IAH1: variants seen among roughly 807,000 people sequenced by gnomAD.
IAH1 encodes the protein isoamyl acetate hydrolyzing esterase 1 (putative).
IAH1 carries 24 observed loss-of-function variants against 26.7 expected under a neutral mutation model. That is an observed-to-expected ratio of 0.90 (90% confidence interval 0.65 to 1.26). The LOEUF (loss-of-function observed/expected upper bound fraction) is 1.26, where lower values mean the gene tolerates loss of function less well. Among genes scored for constraint, IAH1 ranks in the 50% most tolerant of loss-of-function variants. IAH1 has a pLI of 0.00. For missense variants in IAH1, 300 were observed against 299.9 expected, an observed-to-expected ratio of 1.00 and a Z score of 0.00; for synonymous variants, 140 against 118.5, an observed-to-expected ratio of 1.18 and a Z score of -1.18.
At chr2:9,511,648 T>A in the IAH1 span, among the ~76,000 whole-genome samples, 16 of 152,164 alleles carry the variant, frequency 1.1e-4, no homozygotes, top group Non-Finnish European at 2.1e-4. Flanking sequence ...AAAGCTAAAA[T>A]TTTTTTTCCA....
downstream of IAH1, chr2:9,496,990 C>T: frequency 7.0e-7 from 1 of 1,428,386 alleles, no homozygotes; most frequent in South Asian, 1.4e-5. Context: ...CTTCCCCATC[C>T]CCTCATCCTC....
chr2:9,487,817 T>C (rs1005012265), intron 5 of IAH1, among the ~76,000 whole-genome samples: 34 of 95,018 alleles, frequency 3.6e-4, no homozygotes, highest in African/African-American at 1.2e-3. Context: ...TGTGTGTGTG[T>C]GTGTGTGTGT....
At chr2:9,502,190 C>G in the IAH1 span, 12 of 1,613,956 alleles carry the variant, frequency 7.4e-6, no homozygotes, top group East Asian at 2.2e-5. Context: ...GTAGGACACG[C>G]CTTTGCAAGT....
intron 4 of IAH1, among the ~76,000 whole-genome samples, chr2:9,482,308 G>A (rs1039362137): frequency 5.3e-5 from 8 of 152,132 alleles, no homozygotes; most frequent in South Asian, 2.1e-4. Context: ...GATTACAGGC[G>A]TGAGCCACCG....
intron 5 of IAH1, chr2:9,486,217 G>A (rs914598194): frequency 6.6e-6 from 1 of 152,182 alleles, no homozygotes; most frequent in African/African-American, 2.4e-5. Context: ...GAGGCCCTGA[G>A]AGCCTAAGCA....
chr2:9,512,257 T>C, the IAH1 span: 10 of 96,054 alleles, frequency 1.0e-4, no homozygotes, highest in African/African-American at 5.0e-4. Context: ...CTAATGACTC[T>C]TAAAAAAAAA....
In IAH1 at chr2:9,477,149, C is replaced by T. The variant is rs149191579; in HGVS notation, c.135-1073C>T. On this transcript the variant is annotated intron_variant, in intron 2 of 5. Coordinates refer to ENST00000497473, the MANE Select transcript of IAH1 (RefSeq NM_001039613.3). The stretch of plus-strand genomic sequence containing the variant: ...ATCTCTTAGAAATAAGGCTGAGTTT[C>T]GGTGGTGGTTCTGCAGTTTATAAAT... Among the ~76,000 whole-genome samples the T allele has an allele frequency of 2.2e-3, 330 of 152,294 alleles. 1 individual carries two copies. Among genetic ancestry groups the T allele is most frequent in the African/African-American group, 7.7e-3 (321 of 41,560 alleles).
chr2:9,507,715 T>C, the IAH1 span, among the ~76,000 whole-genome samples: 1 of 147,696 alleles, frequency 6.8e-6, no homozygotes, highest in African/African-American at 2.4e-5. Context: ...TAGCAAGTTC[T>C]TTTTTTTCTT....
downstream of IAH1, among the ~76,000 whole-genome samples, chr2:9,492,565 C>A (rs924494340): frequency 6.6e-6 from 1 of 152,172 alleles, no homozygotes; most frequent in Admixed American, 6.5e-5. Flanking sequence ...TCTATTGCAA[C>A]GAAGTCAGCC....
At chr2:9,510,623 C>G in the IAH1 span, among the ~76,000 whole-genome samples, 1 of 150,360 alleles carries the variant, frequency 6.7e-6, no homozygotes, top group Non-Finnish European at 1.5e-5. Flanking sequence ...GAGATCACGC[C>G]ATTGCACTCC....
Position 9,474,929 on chromosome 2 carries a change from G to T in IAH1, c.81+282G>T, listed in dbSNP as rs1238377088. On this transcript the variant is annotated intron_variant, in intron 1 of 5. Coordinates refer to ENST00000497473, the MANE Select transcript of IAH1 (RefSeq NM_001039613.3). The surrounding 1 kb of genome is among the most constrained non-coding windows in gnomAD (Gnocchi z 4.3). The stretch of plus-strand genomic sequence containing the variant: ...GCCCGCCCCGCGCCGCCTCCCACCC[G>T]GGTCGAGATGCGCGGTCTTCCCCTC... The T allele has an allele frequency of 3.6e-6, 3 of 830,738 alleles. No individual in the cohort carries two copies. The highest frequency in any genetic ancestry group is 5.5e-5 in the Admixed American group (1 of 18,234). The allele number at this position is 830,738 out of a possible 1,614,324, so 51.5% of individuals were successfully genotyped here. A position where few individuals can be genotyped will look rare whatever the true frequency, so the allele number is the denominator to read the frequency against.
At chr2:9,475,334 G>A in intron 1 of IAH1, 2 of 575,406 alleles carry the variant, frequency 3.5e-6, no homozygotes, top group Admixed American at 2.4e-5. Flanking sequence ...TTATGTTTAG[G>A]CATATGGGGC....
intron 3 of IAH1, among the ~76,000 whole-genome samples, chr2:9,480,175 C>T (rs889865148): frequency 2.0e-5 from 3 of 151,996 alleles, no homozygotes; most frequent in Non-Finnish European, 4.4e-5. Context: ...ATGTGGTCAC[C>T]CTACAACTAA....
At chr2:9,483,389 A>G (rs1410940111) in intron 4 of IAH1, among the ~76,000 whole-genome samples, 1 of 152,186 alleles carries the variant, frequency 6.6e-6, no homozygotes, top group Non-Finnish European at 1.5e-5. Context: ...AACCACAGGC[A>G]TGTGCAACCA....
intron 6 of IAH1, among the ~76,000 whole-genome samples, chr2:9,495,857 T>A (rs1662550722): frequency 6.8e-6 from 1 of 148,092 alleles, no homozygotes; most frequent in Non-Finnish European, 1.5e-5. Flanking sequence ...TGCTACGTGT[T>A]ACCTTTTTTT....
the IAH1 span, among the ~76,000 whole-genome samples, chr2:9,509,212 C>T: frequency 2.5e-4 from 38 of 152,300 alleles, no homozygotes; most frequent in African/African-American, 6.5e-4. Context: ...CTCTCCCCAC[C>T]GACCCTCTTT....
chr2:9,502,173 C>T, the IAH1 span: 1 of 1,613,392 alleles, frequency 6.2e-7, no homozygotes, highest in Non-Finnish European at 8.5e-7. Context: ...GAACACGAAC[C>T]TGTGCAGTAG....
rs1661808790 is a variant in IAH1, at chr2:9,488,751, G to C, written c.*422G>C. The C allele has an allele frequency of 6.5e-6, 1 of 152,874 alleles. No individual in the cohort carries two copies. Among genetic ancestry groups the C allele is most frequent in the South Asian group, 2.1e-4 (1 of 4,854 alleles). The allele number at this position is 152,874 out of a possible 1,614,324, so 9.5% of individuals were successfully genotyped here. A position where few individuals can be genotyped will look rare whatever the true frequency, so the allele number is the denominator to read the frequency against. ...GTTAAAAGATAGCAAATACCATAAGGTACAAGTTCAAGTATTAGTATAACA... is the reference window on the plus strand; with the variant it reads ...GTTAAAAGATAGCAAATACCATAAGCTACAAGTTCAAGTATTAGTATAACA... On this transcript the variant is annotated 3_prime_UTR_variant, in exon 6 of 6. Transcript: ENST00000497473.
intron 5 of IAH1, among the ~76,000 whole-genome samples, chr2:9,487,827 T>G: frequency 1.0e-5 from 1 of 97,242 alleles, no homozygotes; most frequent in East Asian, 2.3e-4. Flanking sequence ...TGTGTGTGTG[T>G]GTGTGTGCGC....
Sources: allele counts gnomAD v4.1 joint callset (sites outside exome capture counted in the v4.1 genomes callset), GRCh38; gene constraint gnomAD v4.1.1; non-coding constraint Gnocchi (gnomAD v3.1); transcripts MANE v1.5; gene names NCBI Gene and HGNC (gene_info 2026-07-23, HGNC 2026-07-21).